Variants in AFG2A observed in about 807,000 individuals in gnomAD.
AFG2A encodes the protein AAA ATPase AFG2A.
At chr4:123,197,068 A>C in the AFG2A span, among the ~76,000 whole-genome samples, 1 of 152,170 alleles carries the variant, frequency 6.6e-6, no homozygotes, top group Non-Finnish European at 1.5e-5. Flanking sequence ...TGCAATAATA[A>C]ATCTTTTTGA....
chr4:123,304,921 C>T, the AFG2A span, among the ~76,000 whole-genome samples: 2 of 152,188 alleles, frequency 1.3e-5, no homozygotes, highest in African/African-American at 2.4e-5. Context: ...TTCACTCACT[C>T]ACACAAGAAA....
the AFG2A span, among the ~76,000 whole-genome samples, chr4:123,042,724 A>C: frequency 6.6e-6 from 1 of 152,178 alleles, no homozygotes; most frequent in Non-Finnish European, 1.5e-5. Flanking sequence ...TACTTAAAAA[A>C]ATACTTGCTC....
the AFG2A span, among the ~76,000 whole-genome samples, chr4:123,199,019 AG>A: frequency 6.6e-6 from 1 of 152,196 alleles, no homozygotes; most frequent in Admixed American, 6.5e-5. Flanking sequence ...GTGGTAGAGA[AG>A]GAGTGGTCTC....
At chr4:123,054,924 C>T in the AFG2A span, among the ~76,000 whole-genome samples, 2 of 152,016 alleles carry the variant, frequency 1.3e-5, no homozygotes, top group Non-Finnish European at 2.9e-5. Context: ...ACTGTTCTCT[C>T]GACTTCTGGA....
At chr4:123,070,348 T>TGC in the AFG2A span, among the ~76,000 whole-genome samples, 1 of 152,108 alleles carries the variant, frequency 6.6e-6, no homozygotes. Context: ...GCTAGATCCT[T>TGC]TATATGTTTT....
At chr4:123,207,388 A>G in the AFG2A span, among the ~76,000 whole-genome samples, 2 of 149,442 alleles carry the variant, frequency 1.3e-5, no homozygotes, top group Non-Finnish European at 3.0e-5. Flanking sequence ...CACACGGCAC[A>G]TTGCCACCTC....
the AFG2A span, among the ~76,000 whole-genome samples, chr4:123,104,050 A>G: frequency 2.6e-5 from 4 of 152,148 alleles, no homozygotes; most frequent in African/African-American, 9.6e-5. Flanking sequence ...ACAGGACTGC[A>G]TATACAGGGA....
the AFG2A span, among the ~76,000 whole-genome samples, chr4:122,980,416 A>G: frequency 8.5e-5 from 13 of 152,218 alleles, no homozygotes; most frequent in African/African-American, 3.1e-4. Flanking sequence ...GTTGAGGGAC[A>G]CTTAGATTGA....
chr4:122,979,397 T>G, the AFG2A span: 1 of 1,613,578 alleles, frequency 6.2e-7, no homozygotes, highest in Non-Finnish European at 8.5e-7. Flanking sequence ...GTAAGTCATT[T>G]ATGTCCCACA....
chr4:122,966,960 G>C, the AFG2A span, among the ~76,000 whole-genome samples: 4 of 152,116 alleles, frequency 2.6e-5, no homozygotes, highest in Admixed American at 1.3e-4. Flanking sequence ...GCCCATGAAA[G>C]AGTAACTCCT....
chr4:123,074,373 T>C, the AFG2A span, among the ~76,000 whole-genome samples: 3 of 151,762 alleles, frequency 2.0e-5, no homozygotes, highest in African/African-American at 7.3e-5. Flanking sequence ...AAGGGGACTC[T>C]ATACTTTTTT....
At chr4:122,948,531 G>C in the AFG2A span, among the ~76,000 whole-genome samples, 1 of 151,902 alleles carries the variant, frequency 6.6e-6, no homozygotes, top group African/African-American at 2.4e-5. Flanking sequence ...GTGTAAACTG[G>C]AGAATCACAA....
At chr4:123,004,480 A>G in the AFG2A span, among the ~76,000 whole-genome samples, 65,462 of 152,092 alleles carry the variant, frequency 0.43, 17,065 homozygotes, top group Non-Finnish European at 0.57. Context: ...AATGTTTTCT[A>G]TGTTATCTTT....
At chr4:123,168,825 G>C in the AFG2A span, among the ~76,000 whole-genome samples, 1 of 152,188 alleles carries the variant, frequency 6.6e-6, no homozygotes, top group Non-Finnish European at 1.5e-5. Flanking sequence ...GTATTACCAT[G>C]AACAGGATCC....
the AFG2A span, among the ~76,000 whole-genome samples, chr4:123,172,020 T>A: frequency 6.6e-6 from 1 of 152,188 alleles, no homozygotes; most frequent in Non-Finnish European, 1.5e-5. Context: ...ATACCATGTG[T>A]GAACTTTTCT....
the AFG2A span, among the ~76,000 whole-genome samples, chr4:123,063,056 C>T: frequency 1.1e-4 from 16 of 152,056 alleles, no homozygotes; most frequent in Non-Finnish European, 2.9e-5. Context: ...TTCAGGTCTT[C>T]GTCTTTTTTT....
chr4:123,174,318 T>C, the AFG2A span, among the ~76,000 whole-genome samples: 1 of 152,192 alleles, frequency 6.6e-6, no homozygotes, highest in Non-Finnish European at 1.5e-5. Flanking sequence ...CTAAAGGACG[T>C]AAATGAAAAC....
At chr4:123,091,341 A>G in the AFG2A span, among the ~76,000 whole-genome samples, 1 of 152,358 alleles carries the variant, frequency 6.6e-6, no homozygotes, top group South Asian at 2.1e-4. Flanking sequence ...GCTTTTATTT[A>G]CATTTTTATT....
the AFG2A span, among the ~76,000 whole-genome samples, chr4:123,180,627 A>G: frequency 1.4e-4 from 22 of 152,236 alleles, no homozygotes; most frequent in Non-Finnish European, 2.8e-4. Context: ...ACATGATTCT[A>G]AATCAGAAAT....
Sources: allele counts gnomAD v4.1 joint callset (sites outside exome capture counted in the v4.1 genomes callset), GRCh38; gene constraint gnomAD v4.1.1; transcripts MANE v1.5; gene names NCBI Gene and HGNC (gene_info 2026-07-23, HGNC 2026-07-21).